The following TASP1 variants were observed in gnomAD, a reference collection of about 807,000 sequenced individuals.
TASP1 encodes the protein threonine aspartase 1.
A neutral mutation model predicts 56.6 loss-of-function variants in TASP1; 16 were observed. The observed-to-expected ratio is 0.28, with a 90% CI of 0.19 to 0.43. TASP1 has a LOEUF of 0.43. Among genes scored for constraint, TASP1 ranks in the 20% least tolerant of loss-of-function variants. The pLI is 1.00. For synonymous variants in TASP1, 179 were observed against 184.2 expected, an observed-to-expected ratio of 0.97 and a Z score of 0.23; for missense variants, 393 against 511.6, an observed-to-expected ratio of 0.77 and a Z score of 2.24.
chr20:13,564,327 C>G (rs2046442682), intron 7 of TASP1, among the ~76,000 whole-genome samples: 1 of 151,950 alleles, frequency 6.6e-6, no homozygotes, highest in African/African-American at 2.4e-5. Flanking sequence ...GAAAGCAATC[C>G]CATTTACAAT....
At chr20:13,159,624 T>C in the TASP1 span, among the ~76,000 whole-genome samples, 7 of 152,244 alleles carry the variant, frequency 4.6e-5, no homozygotes, top group African/African-American at 1.7e-4. Flanking sequence ...AATTGCATTA[T>C]AGGAACTATT....
At chr20:13,566,116 C>CT (rs1384040305) in intron 7 of TASP1, among the ~76,000 whole-genome samples, 2 of 152,098 alleles carry the variant, frequency 1.3e-5, no homozygotes, top group Non-Finnish European at 2.9e-5. Flanking sequence ...TATGATTCCA[C>CT]TTATAAAAGC....
At chr20:13,404,248 G>A (rs374950464) in intron 13 of TASP1, among the ~76,000 whole-genome samples, 1 of 152,194 alleles carries the variant, frequency 6.6e-6, no homozygotes, top group Admixed American at 6.5e-5. Context: ...TTAAAGTTAT[G>A]TAGGAAAATT....
the TASP1 span, among the ~76,000 whole-genome samples, chr20:13,184,664 A>C: frequency 4.6e-5 from 7 of 152,186 alleles, no homozygotes; most frequent in Non-Finnish European, 1.0e-4. Flanking sequence ...TGGGTATGTG[A>C]CATGCTTTGG....
At chr20:13,516,927 G>A (rs2044560723) in intron 10 of TASP1, among the ~76,000 whole-genome samples, 1 of 152,012 alleles carries the variant, frequency 6.6e-6, no homozygotes, top group South Asian at 2.1e-4. Flanking sequence ...GTGAGTGTAG[G>A]AGGGTGATGG....
chr20:13,199,473 C>T, the TASP1 span, among the ~76,000 whole-genome samples: 4 of 152,080 alleles, frequency 2.6e-5, no homozygotes, highest in South Asian at 2.1e-4. Context: ...ATGAGACCCA[C>T]CTCTGGCCCT....
intron 10 of TASP1, among the ~76,000 whole-genome samples, chr20:13,528,219 CAAAAAAAAA>C (rs397942980): frequency 3.7e-5 from 2 of 54,318 alleles, no homozygotes; most frequent in South Asian, 1.0e-3. Flanking sequence ...GACTCTGACT[CAAAAAAAAA>C]AAAAAAAAAA....
At chr20:13,271,574 A>C in the TASP1 span, among the ~76,000 whole-genome samples, 9 of 152,210 alleles carry the variant, frequency 5.9e-5, no homozygotes, top group African/African-American at 1.7e-4. Context: ...TGGTTTACCC[A>C]AAGTCACATG....
At chr20:13,152,177 G>T in the TASP1 span, among the ~76,000 whole-genome samples, 1 of 152,076 alleles carries the variant, frequency 6.6e-6, no homozygotes, top group African/African-American at 2.4e-5. Context: ...ATGTAAATTT[G>T]TGTAAGTTAC....
the TASP1 span, among the ~76,000 whole-genome samples, chr20:13,122,817 C>T: frequency 6.6e-6 from 1 of 152,146 alleles, no homozygotes; most frequent in African/African-American, 2.4e-5. Flanking sequence ...TTTCTTTTCA[C>T]TCCTACTGCC....
At chr20:13,327,189 C>A in the TASP1 span, among the ~76,000 whole-genome samples, 1 of 152,166 alleles carries the variant, frequency 6.6e-6, no homozygotes, top group Admixed American at 6.5e-5. Context: ...AGAGCCAAAT[C>A]ATGAATGAAC....
At chr20:13,179,288 G>T in the TASP1 span, among the ~76,000 whole-genome samples, 1 of 152,080 alleles carries the variant, frequency 6.6e-6, no homozygotes, top group South Asian at 2.1e-4. Flanking sequence ...TGTATCTATT[G>T]ACATTGAGAG....
intron 13 of TASP1, chr20:13,393,600 T>G: frequency 1.9e-6 from 2 of 1,043,124 alleles, no homozygotes; most frequent in South Asian, 2.5e-5. Context: ...CAAGCTCATT[T>G]CCTGGTGTGA....
chr20:13,165,200 T>G, the TASP1 span: 3,014 of 201,558 alleles, frequency 0.015, 44 homozygotes, highest in South Asian at 0.024. Context: ...TCCAACCAAA[T>G]GCAAATGAGA....
intron 11 of TASP1, among the ~76,000 whole-genome samples, chr20:13,478,997 T>C (rs952895471): frequency 6.6e-6 from 1 of 152,118 alleles, no homozygotes; most frequent in Non-Finnish European, 1.5e-5. Context: ...CATTAAGCTA[T>C]GTTAAGTGGA....
At chr20:13,442,267 TACACAGACACACAG>T (rs2043240573) in intron 11 of TASP1, among the ~76,000 whole-genome samples, 1 of 149,428 alleles carries the variant, frequency 6.7e-6, no homozygotes, top group East Asian at 2.0e-4. Context: ...CACACACACA[TACACAGACACACAG>T]ACACAGACAC....
At chr20:13,280,788 T>C in the TASP1 span, among the ~76,000 whole-genome samples, 27 of 152,276 alleles carry the variant, frequency 1.8e-4, no homozygotes, top group Non-Finnish European at 3.2e-4. Flanking sequence ...GGCTGGGAAA[T>C]GTATTCTCTG....
chr20:13,360,153 T>G, the TASP1 span, among the ~76,000 whole-genome samples: 5 of 151,942 alleles, frequency 3.3e-5, no homozygotes, highest in Non-Finnish European at 7.4e-5. Flanking sequence ...TACTCTCCTA[T>G]CCTCAATACC....
intron 4 of TASP1, among the ~76,000 whole-genome samples, chr20:13,598,478 T>A (rs1601394155): frequency 6.6e-6 from 1 of 152,058 alleles, no homozygotes; most frequent in African/African-American, 2.4e-5. Flanking sequence ...CTGGCTAGCC[T>A]TATGTAGAAA....
Sources: allele counts gnomAD v4.1 joint callset (sites outside exome capture counted in the v4.1 genomes callset), GRCh38; gene constraint gnomAD v4.1.1; transcripts MANE v1.5; gene names NCBI Gene and HGNC (gene_info 2026-07-23, HGNC 2026-07-21).